The following FMN2 variants were observed in gnomAD, a reference collection of about 807,000 sequenced individuals.
FMN2 encodes the protein formin-2.
A neutral mutation model predicts 142.3 loss-of-function variants in FMN2; 51 were observed. That is an observed-to-expected ratio of 0.36 (90% CI 0.29 to 0.45). The LOEUF (loss-of-function observed/expected upper bound fraction) is 0.45. Among genes scored for constraint, FMN2 ranks in the 20% least tolerant of loss-of-function variants. The pLI, the probability that FMN2 is intolerant of heterozygous loss-of-function variation, is 1.00. For synonymous variants in FMN2, 882 were observed against 869.8 expected (o/e 1.01, Z -0.25); for missense variants, 1,936 against 2,122.8 (o/e 0.91, Z 1.73).
chr1:240,217,936 T>G, intron 6 of FMN2, among the ~76,000 whole-genome samples: 1 of 152,186 alleles, frequency 6.6e-6, no homozygotes, highest in Non-Finnish European at 1.5e-5. Flanking sequence ...TGCATACAAT[T>G]TAATCATAGT....
intron 8 of FMN2, among the ~76,000 whole-genome samples, chr1:240,296,326 A>C (rs919936179): frequency 6.6e-6 from 1 of 151,338 alleles, no homozygotes; most frequent in Non-Finnish European, 1.5e-5. Context: ...AGAATGTGAC[A>C]TTAAATAATA....
At chr1:240,255,792 A>G (rs1321681955) in intron 6 of FMN2, among the ~76,000 whole-genome samples, 1 of 152,098 alleles carries the variant, frequency 6.6e-6, no homozygotes, top group East Asian at 1.9e-4. Flanking sequence ...TTAAATAGAG[A>G]TGTCTTTTCA....
chr1:240,226,297 A>G (rs190140787), intron 6 of FMN2, among the ~76,000 whole-genome samples: 16 of 152,356 alleles, frequency 1.1e-4, no homozygotes, highest in African/African-American at 3.4e-4. Flanking sequence ...AGTGAAAGAA[A>G]AACAACACAT....
At chr1:240,379,966 A>G (rs1162800495) in intron 14 of FMN2, among the ~76,000 whole-genome samples, 2 of 152,122 alleles carry the variant, frequency 1.3e-5, no homozygotes, top group Non-Finnish European at 2.9e-5. Flanking sequence ...CCAATAGCAG[A>G]GCACCCAGAT....
intron 6 of FMN2, among the ~76,000 whole-genome samples, chr1:240,224,627 A>G (rs1667237571): frequency 6.6e-6 from 1 of 152,132 alleles, no homozygotes; most frequent in Non-Finnish European, 1.5e-5. Context: ...TGGGAGTCTA[A>G]GTCTTGGCAT....
intron 13 of FMN2, among the ~76,000 whole-genome samples, chr1:240,337,206 T>TTC (rs556999041): frequency 0.12 from 13,974 of 120,894 alleles, 684 homozygotes; most frequent in African/African-American, 0.22. Flanking sequence ...TCCTTTTCTT[T>TTC]TTTTTTTTTT....
intron 16 of FMN2, among the ~76,000 whole-genome samples, chr1:240,456,067 T>C (rs1400826310): frequency 6.6e-6 from 1 of 152,042 alleles, no homozygotes; most frequent in Non-Finnish European, 1.5e-5. Context: ...TCTTAATCAC[T>C]AGTAGTCATG....
chr1:240,387,684 T>C (rs1304407665), intron 14 of FMN2, among the ~76,000 whole-genome samples: 1 of 152,218 alleles, frequency 6.6e-6, no homozygotes, highest in African/African-American at 2.4e-5. Context: ...TTTAGCAAAG[T>C]ATATTTTTAA....
intron 2 of FMN2, among the ~76,000 whole-genome samples, chr1:240,169,200 G>A (rs1664601641): frequency 6.6e-6 from 1 of 152,152 alleles, no homozygotes; most frequent in South Asian, 2.1e-4. Flanking sequence ...CAACTATTTA[G>A]TTCTTTAGAC....
intron 2 of FMN2, among the ~76,000 whole-genome samples, chr1:240,177,230 AG>A (rs1391218912): frequency 1.3e-5 from 2 of 152,202 alleles, no homozygotes; most frequent in Non-Finnish European, 2.9e-5. Flanking sequence ...GCCATGGAGC[AG>A]GCTTCCCTGT....
chr1:240,100,687 T>A (rs1572747191), intron 1 of FMN2, among the ~76,000 whole-genome samples: 1 of 152,332 alleles, frequency 6.6e-6, no homozygotes, highest in East Asian at 1.9e-4. Flanking sequence ...TTTGTAAAGA[T>A]GTACTTGGAA....
chr1:240,450,336 G>A (rs1675967732), intron 16 of FMN2, among the ~76,000 whole-genome samples: 1 of 152,144 alleles, frequency 6.6e-6, no homozygotes, highest in Non-Finnish European at 1.5e-5. Context: ...ATTGTCTTAT[G>A]TGAAGCCTAT....
rs112955836 is a variant in FMN2 at position 240,447,798 on chromosome 1, A to G, written c.5060+9588A>G. 6.6e-3 allele frequency among the ~76,000 whole-genome samples: 1,002 copies of G among 152,284 alleles called. 9 individuals are homozygous for G. Among genetic ancestry groups the G allele is most frequent in the African/African-American group, 0.023 (953 of 41,558 alleles). On this transcript the variant is annotated intron_variant, in intron 16 of 17. Transcript: ENST00000319653. Reference sequence around the variant, plus strand: ...CCCTAAACTTAGATGGTTTTAGAGGAGTGCACAAACCTACGCATCTACTCA... The same window carrying G: ...CCCTAAACTTAGATGGTTTTAGAGGGGTGCACAAACCTACGCATCTACTCA...
chr1:240,116,904 T>G (rs79061747), intron 1 of FMN2, among the ~76,000 whole-genome samples: 1,994 of 151,900 alleles, frequency 0.013, 44 homozygotes, highest in African/African-American at 0.046. Flanking sequence ...AGTTTTGATG[T>G]GAAGGGAAGC....
In FMN2 at chr1:240,207,328, C is replaced by G. The variant is rs762477896; in HGVS notation, c.2516C>G (p.Thr839Ser). 3 of 1,613,834 alleles carry G rather than the reference C, an allele frequency of 1.9e-6. No individual in the cohort carries two copies. Among genetic ancestry groups the G allele is most frequent in the South Asian group, 1.1e-5 (1 of 91,076 alleles). The change falls in exon 5 of 18, where the codon ACC becomes AGC. Residue 839 changes from threonine (T) to serine (S), a missense_variant. Transcript: ENST00000319653. Reference protein sequence around the residue: ...PPHSISTEFQTSHEHSVSSAF... With the variant: ...PPHSISTEFQSSHEHSVSSAF... ...CATTCTATTTCTACCGAGTTTCAAA[C>G]CAGCCACGAACACTCTGTTTCCTCT... is the stretch of plus-strand genomic sequence containing the variant.
intron 15 of FMN2, among the ~76,000 whole-genome samples, chr1:240,417,839 C>A (rs1471915589): frequency 1.2e-4 from 18 of 152,102 alleles, no homozygotes. Flanking sequence ...TTTGTAGAAT[C>A]TTCTGCTATA....
chr1:240,121,360 T>A (rs1170739385), intron 1 of FMN2, among the ~76,000 whole-genome samples: 2 of 150,754 alleles, frequency 1.3e-5, no homozygotes, highest in Non-Finnish European at 2.9e-5. Context: ...CCTCAGCCAG[T>A]GTCTTATTTT....
At chr1:240,332,708 G>A (rs915092267) in intron 11 of FMN2, among the ~76,000 whole-genome samples, 4 of 152,108 alleles carry the variant, frequency 2.6e-5, no homozygotes, top group African/African-American at 9.7e-5. Flanking sequence ...GTACTCAGAA[G>A]AGCTATACAA....
intron 1 of FMN2, among the ~76,000 whole-genome samples, chr1:240,100,995 A>G (rs1255106915): frequency 2.0e-5 from 3 of 152,178 alleles, no homozygotes; most frequent in Non-Finnish European, 1.5e-5. Context: ...ACAGGAAGAA[A>G]TTCTGTGTCA....
Sources: gnomAD v4.1 joint callset for allele counts (sites outside exome capture counted in the v4.1 genomes callset) on GRCh38, gnomAD v4.1.1 for gene constraint, MANE v1.5 for transcripts, NCBI Gene and HGNC (gene_info 2026-07-23, HGNC 2026-07-21) for gene names.